Variants in MCCC2 observed in about 807,000 individuals in gnomAD.
MCCC2 encodes the protein methylcrotonoyl-CoA carboxylase beta chain, mitochondrial.
A neutral mutation model predicts 77.2 loss-of-function variants in MCCC2; 52 were observed. The ratio of observed to expected loss-of-function variants is 0.67; its 90% confidence interval spans 0.54 to 0.85. The LOEUF (loss-of-function observed/expected upper bound fraction) is 0.85, where lower values mean the gene tolerates loss of function less well. MCCC2 is among the 40% of genes least tolerant of loss of function. The pLI is 0.00. For synonymous variants in MCCC2, 253 were observed against 248.4 expected, an observed-to-expected ratio of 1.02 and a Z score of -0.18; for missense variants, 682 against 703.2, an observed-to-expected ratio of 0.97 and a Z score of 0.34.
At chr5:71,631,751 A>G (rs1437941493) in intron 7 of MCCC2, among the ~76,000 whole-genome samples, 1 of 151,892 alleles carries the variant, frequency 6.6e-6, no homozygotes, top group Non-Finnish European at 1.5e-5. Context: ...CTTGTTAGCC[A>G]GCATGGTCTC....
At chr5:71,639,560 A>T (rs1295569120) in intron 10 of MCCC2, among the ~76,000 whole-genome samples, 1 of 152,134 alleles carries the variant, frequency 6.6e-6, no homozygotes, top group Non-Finnish European at 1.5e-5. Context: ...GACTACTCAA[A>T]CCTTCTCCAT....
At chr5:71,633,121 A>ATT (rs1231509058) in intron 8 of MCCC2, among the ~76,000 whole-genome samples, 14 of 29,824 alleles carry the variant, frequency 4.7e-4, no homozygotes, top group Admixed American at 3.7e-3. Flanking sequence ...ATATATATAT[A>ATT]TATATATATA....
Position 71,656,837 on chromosome 5 carries a change from G to T in MCCC2, c.1669G>T (p.Asp557Tyr). The change falls in exon 17 of 17, where the codon GAC (aspartate) becomes TAC (tyrosine). Residue 557 changes from aspartate to tyrosine, a missense_variant. Transcript: ENST00000340941. The part of the protein sequence containing the change: ...AALNAPIEKT[D>Y]FGIFRM ...CCTCAACGCACCAATAGAGAAGACT[G>T]ACTTCGGTATCTTCAGGATGTAACT... is the stretch of plus-strand genomic sequence containing the variant. 1 of 1,613,802 alleles carries T rather than the reference G, an allele frequency of 6.2e-7. No individual in the cohort carries two copies. The highest frequency in any genetic ancestry group is 1.1e-5 in the South Asian group (1 of 91,056).
At chr5:71,646,354 C>T (rs1747274854) in intron 13 of MCCC2, 77 bp downstream of exon 13, 14 of 1,323,688 alleles carry the variant, frequency 1.1e-5, no homozygotes, top group African/African-American at 1.4e-5. Context: ...TATTGGACAG[C>T]ACACATGTAG....
intron 4 of MCCC2, 151 bp from the exon 5 acceptor site, chr5:71,602,355 C>A: frequency 1.1e-6 from 1 of 880,748 alleles, no homozygotes; most frequent in Non-Finnish European, 1.8e-6. Context: ...TTAAAGTTTG[C>A]ATTTATATCC....
chr5:71,596,139 T>G (rs1188206675), intron 2 of MCCC2, 141 bp from the exon 3 acceptor site: 9 of 759,376 alleles, frequency 1.2e-5, no homozygotes, highest in Non-Finnish European at 2.0e-5. Context: ...GTAAGTTGAG[T>G]GAATGATTAT....
intron 8 of MCCC2, among the ~76,000 whole-genome samples, chr5:71,634,390 T>G (rs1424407210): frequency 1.3e-5 from 2 of 152,220 alleles, no homozygotes; most frequent in African/African-American, 4.8e-5. Flanking sequence ...AGCCTTTTCA[T>G]TTGTTGCCTG....
intron 6 of MCCC2, among the ~76,000 whole-genome samples, chr5:71,621,980 G>T (rs936424967): frequency 6.6e-6 from 1 of 152,110 alleles, no homozygotes; most frequent in Non-Finnish European, 1.5e-5. Flanking sequence ...CACATTGCAT[G>T]CCTGTATCAA....
chr5:71,636,226 G>C, intron 10 of MCCC2: 1 of 245,372 alleles, frequency 4.1e-6, no homozygotes, highest in Non-Finnish European at 8.8e-6. Flanking sequence ...CTGTTGTATG[G>C]ATTTATTTAG....
intron 10 of MCCC2, among the ~76,000 whole-genome samples, chr5:71,639,001 C>T (rs909472849): frequency 5.9e-5 from 9 of 152,088 alleles, no homozygotes; most frequent in Admixed American, 2.6e-4. Context: ...TGAAAGAAAT[C>T]TTTTTTTCTG....
At chr5:71,612,932 G>A (rs976247390) in intron 6 of MCCC2, among the ~76,000 whole-genome samples, 7 of 152,182 alleles carry the variant, frequency 4.6e-5, no homozygotes, top group African/African-American at 7.2e-5. Flanking sequence ...TGCAGTCAAG[G>A]CAGCAGCGGG....
chr5:71,641,355 A>G, intron 11 of MCCC2: 1 of 391,074 alleles, frequency 2.6e-6, no homozygotes, highest in African/African-American at 2.1e-5. Flanking sequence ...TTATAGTAAA[A>G]TTAGTAGAAA....
chr5:71,648,279 C>G (rs1747325937), intron 13 of MCCC2, among the ~76,000 whole-genome samples: 1 of 152,102 alleles, frequency 6.6e-6, no homozygotes, highest in South Asian at 2.1e-4. Flanking sequence ...TTGCTGGAGA[C>G]TTGCGGGGTA....
intron 2 of MCCC2, 33 bp from the exon 3 acceptor site, chr5:71,596,247 A>G (rs377536963): frequency 7.0e-6 from 11 of 1,574,800 alleles, no homozygotes; most frequent in South Asian, 5.5e-5. Flanking sequence ...TATCGTGTCA[A>G]TCTAATCTAA....
At position 71,608,957 on chromosome 5, in the gene MCCC2, C is replaced by G. The variant is rs1219124869; in HGVS notation, c.624+4489C>G. Among the ~76,000 whole-genome samples, 14 of 152,192 alleles carry G rather than the reference C, an allele frequency of 9.2e-5. No individual in the cohort carries two copies. In the East Asian group the frequency reaches 1.7e-3, roughly 19 times the overall value. ...GATCCGCTGTTAGTCTGATGGGCTT[C>G]CCTTTGAGGGTAACCCGACCTTTCT... is the stretch of plus-strand genomic sequence containing the variant. On this transcript the variant is annotated intron_variant, in intron 6 of 16. Coordinates refer to ENST00000340941, the MANE Select transcript of MCCC2 (RefSeq NM_022132.5).
intron 6 of MCCC2, among the ~76,000 whole-genome samples, chr5:71,616,547 G>A (rs1456393400): frequency 6.6e-6 from 1 of 152,106 alleles, no homozygotes; most frequent in South Asian, 2.1e-4. Context: ...CAGACAGTAG[G>A]AAAAACACTT....
At chr5:71,636,911 T>A (rs1027107234) in intron 10 of MCCC2, among the ~76,000 whole-genome samples, 2 of 151,630 alleles carry the variant, frequency 1.3e-5, no homozygotes, top group Non-Finnish European at 2.9e-5. Flanking sequence ...ACCTGGCTAA[T>A]TTTTGTATTT....
rs1561835111 is a variant in MCCC2 at position 71,618,522 on chromosome 5, TTCCTTCCTTCCTTCCTTCCTTC to T, written c.625-8117_625-8096del. On this transcript the variant is annotated intron_variant, in intron 6 of 16. Coordinates refer to ENST00000340941, the MANE Select transcript of MCCC2 (RefSeq NM_022132.5). ...CTTCCTTCCTTCCTTCCTTCCTTCC[TTCCTTCCTTCCTTCCTTCCTTC>T]CTTCCTTTCTTTCTTTCTCTTTCTT... 3.5e-4 allele frequency among the ~76,000 whole-genome samples: 28 copies of T among 80,696 alleles called. 1 individual carries two copies. Among genetic ancestry groups the T allele is most frequent in the Non-Finnish European group, 7.0e-4 (25 of 35,862 alleles). The allele number at this position is 80,696 out of a possible 152,430, so 52.9% of individuals were successfully genotyped here.
In MCCC2 at chr5:71,604,400, C is replaced by CTTGT; in HGVS notation, c.556_557insTTGT (p.Pro186LeufsTer13). ...CTTACCTCGACAAGCAGATGTGTTT[C>CTTGT]CAGATCGAGACCACTTTGGCCGTAC... On this transcript the variant is annotated frameshift_variant, in exon 6 of 17. Transcript: ENST00000340941. LOFTEE classifies it high-confidence loss of function. 4 of 1,614,090 alleles carry CTTGT rather than the reference C, an allele frequency of 2.5e-6. No individual in the cohort carries two copies. Among genetic ancestry groups the CTTGT allele is most frequent in the Non-Finnish European group, 3.4e-6 (4 of 1,180,030 alleles).
Sources: allele counts gnomAD v4.1 joint callset (sites outside exome capture counted in the v4.1 genomes callset), GRCh38; gene constraint gnomAD v4.1.1; transcripts MANE v1.5; gene names NCBI Gene and HGNC (gene_info 2026-07-23, HGNC 2026-07-21).